The following EYS variants were observed in gnomAD, a reference collection of about 807,000 sequenced individuals.
EYS encodes the protein EGF-like photoreceptor maintenance factor.
In EYS, 250 loss-of-function variants were observed where a neutral mutation model predicts 282.1. That is an observed-to-expected ratio of 0.89 (90% CI 0.80 to 0.98). The LOEUF (loss-of-function observed/expected upper bound fraction) is 0.98, where lower values mean the gene tolerates loss of function less well. Ranked by LOEUF, EYS falls within the 50% of genes least tolerant of loss-of-function variation. EYS has a pLI of 0.00. For missense variants in EYS, 4,016 were observed against 3,709.0 expected (o/e 1.08, Z -2.15); for synonymous variants, 1,355 against 1,282.9 (o/e 1.06, Z -1.20).
chr6:64,095,810 C>G (rs142610938), intron 31 of EYS, among the ~76,000 whole-genome samples: 10,030 of 152,066 alleles, frequency 0.066, 440 homozygotes, highest in Non-Finnish European at 0.094. Context: ...ATGTTAGCTG[C>G]TTATTTTGCT....
At chr6:64,456,809 A>G (rs1433374251) in intron 26 of EYS, among the ~76,000 whole-genome samples, 1 of 152,034 alleles carries the variant, frequency 6.6e-6, no homozygotes, top group African/African-American at 2.4e-5. Context: ...CTCATTTCCC[A>G]TTATTAAAAA....
intron 22 of EYS, among the ~76,000 whole-genome samples, chr6:64,628,248 T>A (rs77021691): frequency 2.0e-4 from 1 of 5,062 alleles, no homozygotes; most frequent in Non-Finnish European, 5.5e-4. Flanking sequence ...ATAGCAGTGT[T>A]TTTTTTTTTT....
intron 35 of EYS, among the ~76,000 whole-genome samples, chr6:63,891,191 A>T (rs1450824397): frequency 2.0e-5 from 3 of 152,082 alleles, no homozygotes; most frequent in Non-Finnish European, 4.4e-5. Flanking sequence ...TTCTTAACCT[A>T]TTCTAAACAA....
At chr6:63,879,474 A>T (rs1773070684) in intron 35 of EYS, among the ~76,000 whole-genome samples, 3 of 152,212 alleles carry the variant, frequency 2.0e-5, no homozygotes, top group African/African-American at 4.8e-5. Context: ...CTACTTACAT[A>T]TCAACAAAAC....
At chr6:64,180,475 T>C (rs543241190) in intron 31 of EYS, among the ~76,000 whole-genome samples, 2 of 152,306 alleles carry the variant, frequency 1.3e-5, no homozygotes, top group African/African-American at 4.8e-5. Flanking sequence ...GTTTGTTACA[T>C]GGGTAAACTG....
intron 29 of EYS, among the ~76,000 whole-genome samples, chr6:64,311,983 T>TTTTC: frequency 6.7e-6 from 1 of 149,950 alleles, no homozygotes; most frequent in Non-Finnish European, 1.5e-5. Flanking sequence ...CAGAAGGTTT[T>TTTTC]TTTTTTTTTC....
At chr6:65,452,371 A>G (rs1170951786) in intron 5 of EYS, among the ~76,000 whole-genome samples, 1 of 151,830 alleles carries the variant, frequency 6.6e-6, no homozygotes, top group African/African-American at 2.4e-5. Context: ...ATTAAATAAG[A>G]TGTTCTAATA....
At chr6:63,911,167 C>T (rs531430079) in intron 35 of EYS, among the ~76,000 whole-genome samples, 2 of 149,936 alleles carry the variant, frequency 1.3e-5, no homozygotes, top group Non-Finnish European at 3.0e-5. Flanking sequence ...GCACACATTT[C>T]AATTGCAGTC....
At chr6:64,117,334 C>G (rs1040455131) in intron 31 of EYS, among the ~76,000 whole-genome samples, 1 of 149,582 alleles carries the variant, frequency 6.7e-6, no homozygotes, top group Non-Finnish European at 1.5e-5. Context: ...AACAACCCCC[C>G]CCCCAATTAG....
intron 22 of EYS, among the ~76,000 whole-genome samples, chr6:64,724,516 A>C (rs941369304): frequency 2.0e-5 from 3 of 152,228 alleles, no homozygotes; most frequent in Non-Finnish European, 4.4e-5. Flanking sequence ...CACTAAAGCC[A>C]TGTGCTGCTC....
intron 8 of EYS, among the ~76,000 whole-genome samples, chr6:65,354,708 T>C (rs2150328330): frequency 6.6e-6 from 1 of 152,094 alleles, no homozygotes; most frequent in South Asian, 2.1e-4. Context: ...TCCCGCCTAC[T>C]CTGGAGACTG....
chr6:65,546,221 G>A (rs1768380679), intron 2 of EYS, among the ~76,000 whole-genome samples: 1 of 147,514 alleles, frequency 6.8e-6, no homozygotes, highest in African/African-American at 2.5e-5. Flanking sequence ...TAGGGACAGG[G>A]TTTTGCCATA....
At chr6:64,285,544 C>G (rs1008847160) in intron 30 of EYS, among the ~76,000 whole-genome samples, 61 of 152,256 alleles carry the variant, frequency 4.0e-4, no homozygotes, top group African/African-American at 1.4e-3. Context: ...TTCCTATGTT[C>G]TTCTGAGCCC....
In EYS at chr6:64,066,337, C is replaced by T. The variant is rs779055763; in HGVS notation, c.6725+1G>A. 1.9e-6 allele frequency: 3 copies of T among 1,548,660 alleles called. No individual in the cohort carries two copies. Among genetic ancestry groups the T allele is most frequent in the Non-Finnish European group, 2.6e-6 (3 of 1,145,334 alleles). The stretch of plus-strand genomic sequence containing the variant: ...GAACTACCGTGGAGTACAGTACTTA[C>T]CGTATTGTGATAGGGGTGAATGCAT... On this transcript the variant is annotated splice_donor_variant, in intron 33 of 42. Transcript: ENST00000503581. LOFTEE classifies it high-confidence loss of function.
At chr6:64,160,727 G>A (rs1775078767) in intron 31 of EYS, among the ~76,000 whole-genome samples, 2 of 152,144 alleles carry the variant, frequency 1.3e-5, no homozygotes, top group Non-Finnish European at 2.9e-5. Context: ...CAGGATATGT[G>A]CAGCTATTTG....
chr6:65,378,496 A>G (rs1765475070), intron 8 of EYS, among the ~76,000 whole-genome samples: 1 of 152,186 alleles, frequency 6.6e-6, no homozygotes, highest in South Asian at 2.1e-4. Context: ...AGGATCTGGA[A>G]CTAGAAATAA....
chr6:64,935,951 A>T (rs1444153581), intron 15 of EYS, among the ~76,000 whole-genome samples: 1 of 151,600 alleles, frequency 6.6e-6, no homozygotes, highest in African/African-American at 2.4e-5. Flanking sequence ...CTATGTGGCT[A>T]ATATTACCCA....
chr6:64,406,188 C>A (rs181578813), intron 28 of EYS, among the ~76,000 whole-genome samples: 1 of 152,030 alleles, frequency 6.6e-6, no homozygotes, highest in Admixed American at 6.6e-5. Context: ...CTTTGACAAA[C>A]CTGACAAAAA....
chr6:65,143,681 T>G (rs1764406226), intron 12 of EYS, among the ~76,000 whole-genome samples: 1 of 152,084 alleles, frequency 6.6e-6, no homozygotes, highest in Admixed American at 6.6e-5. Flanking sequence ...CTTCACATTG[T>G]CTCACTTGTC....
Sources: gnomAD v4.1 joint callset for allele counts (sites outside exome capture counted in the v4.1 genomes callset) on GRCh38, gnomAD v4.1.1 for gene constraint, MANE v1.5 for transcripts, NCBI Gene and HGNC (gene_info 2026-07-23, HGNC 2026-07-21) for gene names.